ATF6B: variants seen among roughly 807,000 people sequenced by gnomAD.
ATF6B encodes the protein cyclic AMP-dependent transcription factor ATF-6 beta.
Under a neutral mutation model 83.5 loss-of-function variants are expected in ATF6B, and 50 were observed. The observed-to-expected ratio is 0.60, with a 90% CI of 0.48 to 0.76. ATF6B has a LOEUF of 0.76. Ranked by LOEUF, ATF6B falls within the 30% of genes least tolerant of loss-of-function variation. The pLI, the probability that ATF6B is intolerant of heterozygous loss-of-function variation, is 0.00. For missense variants in ATF6B, 790 were observed against 893.8 expected, an observed-to-expected ratio of 0.88 and a Z score of 1.48; for synonymous variants, 344 against 362.8, an observed-to-expected ratio of 0.95 and a Z score of 0.59.
chr6:32,120,608 TC>T, intron 8 of ATF6B, 162 bp downstream of exon 8: 1 of 817,388 alleles, frequency 1.2e-6, no homozygotes, highest in Non-Finnish European at 1.8e-6. Flanking sequence ...CTGCCACCAC[TC>T]CACGCTAATT....
Position 32,115,869 on chromosome 6 carries a change from G to A in ATF6B, c.1982C>T (p.Thr661Ile), listed in dbSNP as rs1250749328. ...CTGTTTTCGGAGCGAGGGGGGCACT[G>A]TGGAGGTCTTGATGTGAATCACCCT... The part of the protein sequence containing the change: ...DTRVIHIKTS[T>I]VPPSLRKQPS... Residue 661 changes from threonine to isoleucine, a missense_variant, in exon 18 of 18, where the codon ACA (threonine) becomes ATA (isoleucine). Coordinates refer to ENST00000375203, the MANE Select transcript of ATF6B (RefSeq NM_004381.5). 2.5e-6 allele frequency: 4 copies of A among 1,614,064 alleles called. No individual in the cohort carries two copies. In the African/African-American group the frequency reaches 4.0e-5, roughly 16 times the overall value.
chr6:32,125,800 G>A lies in ATF6B; in HGVS notation c.478+317C>T. 6.6e-6 allele frequency among the ~76,000 whole-genome samples: 1 copy of A among 152,102 alleles called. No homozygotes were observed. Among genetic ancestry groups the A allele is most frequent in the East Asian group, 1.9e-4 (1 of 5,196 alleles). On this transcript the variant is annotated intron_variant, in intron 5 of 17. Coordinates refer to ENST00000375203, the MANE Select transcript of ATF6B (RefSeq NM_004381.5). The surrounding 1 kb of genome is among the most constrained non-coding windows in gnomAD (Gnocchi z 4.1). The stretch of plus-strand genomic sequence containing the variant: ...TGTTTATAATAAAATGTTGGGTGGA[G>A]GGGAATCACACAGATACATATGCCC...
intron 3 of ATF6B, 92 bp downstream of exon 3, chr6:32,127,350 G>T: frequency 6.9e-7 from 1 of 1,439,018 alleles, no homozygotes; most frequent in Non-Finnish European, 9.5e-7. Flanking sequence ...TTATGTAGAA[G>T]CGTGAGGATA....
Position 32,119,899 on chromosome 6 carries a change from G to A in ATF6B, c.891C>T (p.Pro297=). Residue 297 remains proline, a synonymous_variant, in exon 9 of 18, where the codon CCC becomes CCT. Transcript: ENST00000375203. The surrounding 1 kb of genome is among the most constrained non-coding windows in gnomAD (Gnocchi z 4.9). The part of the protein sequence containing the change: ...AIRVQPEGPA[P]SLPRPERKSI... ...TCTTCCTCTCAGGCCGTGGTAGAGAGGGAGCCGGCCCTTCAGGCTGGACTC... is the reference window on the plus strand; with the variant it reads ...TCTTCCTCTCAGGCCGTGGTAGAGAAGGAGCCGGCCCTTCAGGCTGGACTC... 1 of 1,614,158 alleles carries A rather than the reference G, an allele frequency of 6.2e-7. No homozygotes were observed. Among genetic ancestry groups the A allele is most frequent in the Non-Finnish European group, 8.5e-7 (1 of 1,180,040 alleles).
chr6:32,127,316 G>C (rs1782023546), intron 3 of ATF6B, 122 bp from the exon 4 acceptor site: 1 of 1,348,976 alleles, frequency 7.4e-7, no homozygotes, highest in African/African-American at 1.5e-5. Flanking sequence ...AAAAATAGGG[G>C]ATTGAAGGAG....
At position 32,118,107 on chromosome 6, in the gene ATF6B, G is replaced by T; in HGVS notation, c.1245-69C>A. On this transcript the variant is annotated intron_variant, in intron 11 of 17. Transcript: ENST00000375203. This position sits in a 1 kb window ranked among gnomAD's most constrained non-coding sequence, Gnocchi z 5.2. ...TATCAAGTATCTAGGTAAGAATAAA[G>T]ACTCTGCAGATGGACTGCTTGAGTT... 1 of 1,584,800 alleles carries T rather than the reference G, an allele frequency of 6.3e-7. No homozygotes were observed.
chr6:32,118,944 G>A lies in ATF6B; in HGVS notation c.1152+12C>T, dbSNP rs775784292. ...TATTCCTGTTGGTCTCCCAGGGACA[G>A]ACTGGTCTTACTTCAGCCAGCAGGG... On this transcript the variant is annotated intron_variant, in intron 10 of 17. Coordinates refer to ENST00000375203, the MANE Select transcript of ATF6B (RefSeq NM_004381.5). The surrounding 1 kb of genome is among the most constrained non-coding windows in gnomAD (Gnocchi z 5.2). The A allele has an allele frequency of 6.8e-6, 11 of 1,613,898 alleles. No homozygotes were observed. The East Asian group carries it at 8.9e-5, about 13-fold the overall frequency.
chr6:32,128,186 T>A lies in ATF6B; in HGVS notation c.22A>T (p.Ser8Cys). The A allele has an allele frequency of 6.2e-7, 1 of 1,612,572 alleles. No individual in the cohort carries two copies. ...AAACGCGTCGGGTCAGCAATCTCGC[T>A]GAGCAGCATCAGCTCCGCCATCTTT... Reference protein sequence around the residue: MAELMLLSEIADPTRFFT... With the variant: MAELMLLCEIADPTRFFT... The change falls in exon 1 of 18, where the codon AGC becomes TGC. Residue 8 changes from serine (S) to cysteine (C), a missense_variant. Ser to Cys is a moderately radical substitution (Grantham distance 112). This residue lies in a region of ATF6B where 253 missense variants were observed against 243.1 expected (regional missense o/e 1.04). Coordinates refer to ENST00000375203, the MANE Select transcript of ATF6B (RefSeq NM_004381.5).
Position 32,115,958 on chromosome 6 carries a change from T to C in ATF6B, c.1893A>G (p.Ser631=). The C allele has an allele frequency of 6.2e-7, 1 of 1,613,232 alleles. No homozygotes were observed. The highest frequency in any genetic ancestry group is 8.5e-7 in the Non-Finnish European group (1 of 1,179,474). Residue 631 remains serine, a synonymous_variant, in exon 18 of 18, where the codon TCA becomes TCG. Transcript: ENST00000375203. The stretch of plus-strand genomic sequence containing the variant: ...CATAGTCCCCCGGGGCCCCACGGCC[T>C]GACAGGGTCTCTGTGAGAAGGGGAG... ...MPAMAPNETL[S]GRGAPGDYEE...
chr6:32,117,209 T>C lies in ATF6B; in HGVS notation c.1615-102A>G. Reference sequence around the variant, plus strand: ...TGCCACCTCCCACTCAACCCTCCACTTCCTTCAAACGATCCCTCAAACTTC... The same window carrying C: ...TGCCACCTCCCACTCAACCCTCCACCTCCTTCAAACGATCCCTCAAACTTC... On this transcript the variant is annotated intron_variant, in intron 14 of 17. Coordinates refer to ENST00000375203, the MANE Select transcript of ATF6B (RefSeq NM_004381.5). The surrounding 1 kb of genome is among the most constrained non-coding windows in gnomAD (Gnocchi z 5.0). 6.5e-7 allele frequency: 1 copy of C among 1,535,690 alleles called. No homozygotes were observed. Among genetic ancestry groups the C allele is most frequent in the Non-Finnish European group, 8.9e-7 (1 of 1,122,390 alleles).
Position 32,120,992 on chromosome 6 carries a change from A to AT in ATF6B, c.696_697insA (p.Ser233IlefsTer61). On this transcript the variant is annotated frameshift_variant, in exon 7 of 18. Coordinates refer to ENST00000375203, the MANE Select transcript of ATF6B (RefSeq NM_004381.5). LOFTEE classifies it high-confidence loss of function. ...AAGTGTCAGGAGACTCCATTACCTGAGGAGCCATCAAGGGATGGGCCCATG... is the reference window on the plus strand; with the variant it reads ...AAGTGTCAGGAGACTCCATTACCTGATGGAGCCATCAAGGGATGGGCCCATG... 1.3e-6 allele frequency: 2 copies of AT among 1,522,010 alleles called. No homozygotes were observed. Among genetic ancestry groups the AT allele is most frequent in the Non-Finnish European group, 1.8e-6 (2 of 1,136,658 alleles). 94.3% of individuals were successfully genotyped at this position (1,522,010 alleles called of 1,614,324 possible). A position where few individuals can be genotyped will look rare whatever the true frequency, so the allele number is the denominator to read the frequency against.
In ATF6B at chr6:32,119,107, T is replaced by C; in HGVS notation, c.1001A>G (p.Lys334Arg). ...GGACTGGCAGGCTGACTCCCGGTTC[T>C]TGATCATTCGCTGCTGCCGCTTCAG... The part of the protein sequence containing the change: ...KLLKRQQRMI[K>R]NRESACQSRR... The change falls in exon 10 of 18, where the codon AAG becomes AGG. Residue 334 changes from lysine to arginine, a missense_variant. This residue lies in a region of ATF6B where 530 missense variants were observed against 632.6 expected (regional missense o/e 0.84). Coordinates refer to ENST00000375203, the MANE Select transcript of ATF6B (RefSeq NM_004381.5). This position sits in a 1 kb window ranked among gnomAD's most constrained non-coding sequence, Gnocchi z 4.9. 2 of 1,612,598 alleles carry C rather than the reference T, an allele frequency of 1.2e-6. No individual in the cohort carries two copies. The highest frequency in any genetic ancestry group is 1.7e-6 in the Non-Finnish European group (2 of 1,179,774).
rs372328254 is a variant in ATF6B, at chr6:32,116,248, C to G, written c.1882+232G>C. 1.1e-4 allele frequency among the ~76,000 whole-genome samples: 17 copies of G among 152,232 alleles called. No homozygotes were observed. Among genetic ancestry groups the G allele is most frequent in the African/African-American group, 4.1e-4 (17 of 41,526 alleles). On this transcript the variant is annotated intron_variant, in intron 17 of 17. Coordinates refer to ENST00000375203, the MANE Select transcript of ATF6B (RefSeq NM_004381.5). This position sits in a 1 kb window ranked among gnomAD's most constrained non-coding sequence, Gnocchi z 5.1. ...TGAGAGTCTAGCAGGTTCCCGGCCC[C>G]CCGCCTCTGCCCAGTCATCTACCCA...
chr6:32,126,170 G>A lies in ATF6B; in HGVS notation c.425C>T (p.Ser142Phe). 6.2e-7 allele frequency: 1 copy of A among 1,614,206 alleles called. No homozygotes were observed. Among genetic ancestry groups the A allele is most frequent in the Non-Finnish European group, 8.5e-7 (1 of 1,180,042 alleles). The change falls in exon 5 of 18, where the codon TCC becomes TTC. Residue 142 changes from serine (S) to phenylalanine (F), a missense_variant. Ser to Phe is a radical substitution (Grantham distance 155). Transcript: ENST00000375203. ...GTTGATCTGGACGGTTTCAAATGAG[G>A]ATGTTGGGTCATCTCCCAGGAGACA... ...PLCLLGDDPTSSFETVQINVI... is the reference protein window; with the variant it reads ...PLCLLGDDPTFSFETVQINVI...
intron 8 of ATF6B, 86 bp downstream of exon 8, chr6:32,120,685 A>G: frequency 1.3e-6 from 2 of 1,485,710 alleles, no homozygotes; most frequent in South Asian, 1.3e-5. Flanking sequence ...TTCTGACCTC[A>G]GGTGATTCGC....
chr6:32,118,930 G>A lies in ATF6B; in HGVS notation c.1152+26C>T. 1 of 1,614,122 alleles carries A rather than the reference G, an allele frequency of 6.2e-7. No homozygotes were observed. The highest frequency in any genetic ancestry group is 8.5e-7 in the Non-Finnish European group (1 of 1,179,984). ...TTCCAAGGAGGCTGTATTCCTGTTG[G>A]TCTCCCAGGGACAGACTGGTCTTAC... is the stretch of plus-strand genomic sequence containing the variant. On this transcript the variant is annotated intron_variant, in intron 10 of 17. Transcript: ENST00000375203. The surrounding 1 kb of genome is among the most constrained non-coding windows in gnomAD (Gnocchi z 5.2).
chr6:32,120,209 T>C (rs944737510), intron 8 of ATF6B: 4 of 266,286 alleles, frequency 1.5e-5, no homozygotes, highest in African/African-American at 6.8e-5. Flanking sequence ...GCCATTCTCC[T>C]GCCTCAGCCT....
At position 32,124,850 on chromosome 6, in the gene ATF6B, AT is replaced by A. The variant is rs758712011; in HGVS notation, c.478+1266del. Among the ~76,000 whole-genome samples the A allele has an allele frequency of 6.4e-3, 920 of 142,916 alleles. 4 individuals carry two copies. Among genetic ancestry groups the A allele is most frequent in the African/African-American group, 0.015 (590 of 39,178 alleles). 93.8% of individuals were successfully genotyped at this position (142,916 alleles called of 152,430 possible). A position where few individuals can be genotyped will look rare whatever the true frequency, so the allele number is the denominator to read the frequency against. ...TGAGCTTTCATGGTACCCTCTAGTG[AT>A]TTTTTTTTTTTTTCCAGACGGAGTC... is the stretch of plus-strand genomic sequence containing the variant. On this transcript the variant is annotated intron_variant, in intron 5 of 17. Coordinates refer to ENST00000375203, the MANE Select transcript of ATF6B (RefSeq NM_004381.5).
chr6:32,123,840 C>T (rs150172442), intron 5 of ATF6B, among the ~76,000 whole-genome samples: 18 of 152,286 alleles, frequency 1.2e-4, no homozygotes, highest in African/African-American at 3.9e-4. Flanking sequence ...ACTGCATCAG[C>T]GGGCTCCCTG....
Sources: gnomAD v4.1 joint callset for allele counts (sites outside exome capture counted in the v4.1 genomes callset) on GRCh38, gnomAD v4.1.1 for gene constraint, gnomAD v4.1.1 regional missense constraint, Gnocchi (gnomAD v3.1) non-coding constraint, MANE v1.5 for transcripts, NCBI Gene and HGNC (gene_info 2026-07-23, HGNC 2026-07-21) for gene names.